Variants in DENND4A observed in about 807,000 individuals in gnomAD.
DENND4A encodes the protein C-myc promoter-binding protein.
A neutral mutation model predicts 199.3 loss-of-function variants in DENND4A; 70 were observed. The observed-to-expected ratio is 0.35, with a 90% CI of 0.29 to 0.43. The LOEUF is 0.43. DENND4A is among the 20% of genes least tolerant of loss of function. The probability of loss-of-function intolerance (pLI) is 1.00; values close to 1 mark genes in which losing one functional copy is unlikely to be tolerated. For missense variants in DENND4A, 1,723 were observed against 2,255.8 expected (o/e 0.76, Z 4.78); for synonymous variants, 686 against 766.9 (o/e 0.89, Z 1.74).
chr15:65,772,135 C>A lies in DENND4A; in HGVS notation c.-101-10697G>T, dbSNP rs893678690. The A allele has an allele frequency of 2.7e-5, 21 of 772,256 alleles. No homozygotes were observed. In the African/African-American group the frequency reaches 3.3e-4, roughly 12 times the overall value. 47.8% of individuals were successfully genotyped at this position (772,256 alleles called of 1,614,324 possible). A position where few individuals can be genotyped will look rare whatever the true frequency, so the allele number is the denominator to read the frequency against. On this transcript the variant is annotated intron_variant, in intron 1 of 32. Transcript: ENST00000443035. ...CATTTCTCAGCTTCATCCCTGTTCCCCTCCATAGCTTGCTCCTTCGATTTT... is the reference window on the plus strand; with the variant it reads ...CATTTCTCAGCTTCATCCCTGTTCCACTCCATAGCTTGCTCCTTCGATTTT...
chr15:65,764,290 G>C (rs954274547), intron 1 of DENND4A, among the ~76,000 whole-genome samples: 2 of 152,110 alleles, frequency 1.3e-5, no homozygotes, highest in African/African-American at 4.8e-5. Context: ...TTGAGGCCAG[G>C]AGTTCAAGAC....
intron 20 of DENND4A, 90 bp downstream of exon 20, chr15:65,700,454 C>G (rs2074825721): frequency 2.7e-6 from 2 of 730,426 alleles, no homozygotes; most frequent in East Asian, 3.5e-5. Flanking sequence ...AGTTAAACAT[C>G]ACTGAAAATG....
intron 3 of DENND4A, among the ~76,000 whole-genome samples, chr15:65,755,789 T>C (rs1197627692): frequency 6.6e-6 from 1 of 152,124 alleles, no homozygotes; most frequent in Non-Finnish European, 1.5e-5. Context: ...AATCCATCTA[T>C]ACTGATCATT....
At chr15:65,769,890 A>G (rs1399054491) in intron 1 of DENND4A, among the ~76,000 whole-genome samples, 2 of 152,186 alleles carry the variant, frequency 1.3e-5, no homozygotes, top group African/African-American at 2.4e-5. Flanking sequence ...ACAGAAGACC[A>G]GAAATCAAAT....
At chr15:65,737,068 AT>A (rs923662002) in intron 7 of DENND4A, among the ~76,000 whole-genome samples, 53 of 148,112 alleles carry the variant, frequency 3.6e-4, no homozygotes, top group Non-Finnish European at 4.5e-4. Flanking sequence ...CGGTAAGGAA[AT>A]TTTTTTTTTT....
chr15:65,718,119 T>A, intron 12 of DENND4A, 123 bp from the exon 13 acceptor site: 1 of 693,558 alleles, frequency 1.4e-6, no homozygotes, highest in Non-Finnish European at 2.3e-6. Flanking sequence ...TTACATAACT[T>A]AATCATACGT....
chr15:65,725,623 G>T (rs1167167160), intron 11 of DENND4A, among the ~76,000 whole-genome samples: 1 of 151,092 alleles, frequency 6.6e-6, no homozygotes, highest in Non-Finnish European at 1.5e-5. Flanking sequence ...CTTGCAGTGA[G>T]CTGAGATCAC....
chr15:65,709,719 A>AAAAAT (rs1218030026), intron 14 of DENND4A, among the ~76,000 whole-genome samples: 1 of 51,474 alleles, frequency 1.9e-5, no homozygotes, highest in African/African-American at 1.0e-4. Flanking sequence ...AAAAAAAAAA[A>AAAAAT]ATATATATAT....
In DENND4A at chr15:65,706,227, A is replaced by G; in HGVS notation, c.1954-3T>C. On this transcript the variant is annotated splice_polypyrimidine_tract_variant and splice_region_variant and intron_variant, in intron 14 of 32. Transcript: ENST00000443035. The stretch of plus-strand genomic sequence containing the variant: ...TCACCGCTCTTGTCCATATCCACCT[A>G]AAGGAGTTTTAAAAACATATATTAA... 6.5e-7 allele frequency: 1 copy of G among 1,528,866 alleles called. No individual in the cohort carries two copies. Among genetic ancestry groups the G allele is most frequent in the Non-Finnish European group, 8.8e-7 (1 of 1,139,924 alleles). 94.7% of individuals were successfully genotyped at this position (1,528,866 alleles called of 1,614,324 possible). A position where few individuals can be genotyped will look rare whatever the true frequency, so the allele number is the denominator to read the frequency against.
At chr15:65,665,093 A>G in intron 30 of DENND4A, 1 of 474,700 alleles carries the variant, frequency 2.1e-6, no homozygotes, top group Non-Finnish European at 3.7e-6. Flanking sequence ...CCCCTCCAGC[A>G]CATACACAGC....
chr15:65,703,287 T>C (rs899579969), intron 15 of DENND4A, among the ~76,000 whole-genome samples: 8 of 152,220 alleles, frequency 5.3e-5, no homozygotes, highest in East Asian at 1.9e-4. Context: ...AAGGTAACTT[T>C]AGCAAACTTT....
rs1292632072 is a variant in DENND4A, at chr15:65,700,670, C to A, written c.2707G>T (p.Gly903Cys). 3 of 1,535,258 alleles carry A rather than the reference C, an allele frequency of 2.0e-6. No homozygotes were observed. The highest frequency in any genetic ancestry group is 2.6e-6 in the Non-Finnish European group (3 of 1,141,708). Residue 903 changes from glycine to cysteine, a missense_variant, in exon 20 of 33, where the codon GGC becomes TGC. Physicochemically the swap from Gly to Cys is radical, Grantham distance 159. Around this residue, in one of 6 missense-constraint regions of DENND4A, gnomAD observed 650 missense variants for 738.1 expected, o/e 0.88. Coordinates refer to ENST00000443035, the MANE Select transcript of DENND4A (RefSeq NM_001320835.1). ...HLSQTTLSAD[G>C]SDLDAVSHGS... ...TGACTAACAGCATCCAGGTCACTGCCATCTGCTTAAGAACACAATTTGACA... is the reference window on the plus strand; with the variant it reads ...TGACTAACAGCATCCAGGTCACTGCAATCTGCTTAAGAACACAATTTGACA...
chr15:65,746,933 T>TA (rs79912609), intron 4 of DENND4A, among the ~76,000 whole-genome samples: 1,375 of 128,486 alleles, frequency 0.011, 9 homozygotes, highest in East Asian at 0.023. Flanking sequence ...CTGTCTCTAC[T>TA]AAAAAAAAAA....
chr15:65,746,369 C>CTCTCTCTTTT (rs2076392238), intron 4 of DENND4A, among the ~76,000 whole-genome samples: 3 of 51,268 alleles, frequency 5.9e-5, no homozygotes, highest in African/African-American at 2.1e-4. Context: ...ACTTTTTTCT[C>CTCTCTCTTTT]TTTTTTTTTT....
Position 65,690,404 on chromosome 15 carries a change from A to T in DENND4A, c.4179+11T>A. On this transcript the variant is annotated intron_variant, in intron 23 of 32. Transcript: ENST00000443035. ...GTGACAGTAAAAGTAGCAAATACTA[A>T]CCAAACTTACCTTAGATGATGTGGT... 1 of 1,545,044 alleles carries T rather than the reference A, an allele frequency of 6.5e-7. No individual in the cohort carries two copies. Among genetic ancestry groups the T allele is most frequent in the Non-Finnish European group, 8.7e-7 (1 of 1,147,392 alleles).
chr15:65,691,154 G>A lies in DENND4A; in HGVS notation c.3440C>T (p.Thr1147Ile). The A allele has an allele frequency of 6.2e-7, 1 of 1,613,478 alleles. No homozygotes were observed. Among genetic ancestry groups the A allele is most frequent in the Non-Finnish European group, 8.5e-7 (1 of 1,179,728 alleles). Residue 1147 changes from threonine to isoleucine, a missense_variant, in exon 23 of 33, where the codon ACA becomes ATA. By Grantham distance (89) the Thr-to-Ile change is moderately conservative. Coordinates refer to ENST00000443035, the MANE Select transcript of DENND4A (RefSeq NM_001320835.1). ...SLEKESSDDD[T>I]PFDGSNYLAD... Reference sequence around the variant, plus strand: ...CAAATAGTTAGAACCATCAAAAGGTGTATCATCATCACTAGATTCCTTTTC... The same window carrying A: ...CAAATAGTTAGAACCATCAAAAGGTATATCATCATCACTAGATTCCTTTTC...
chr15:65,697,054 G>C (rs539849578), intron 21 of DENND4A: 35 of 446,742 alleles, frequency 7.8e-5, no homozygotes, highest in African/African-American at 6.8e-4. Flanking sequence ...AATGGTATTT[G>C]ATTTGGGAAG....
In DENND4A at chr15:65,756,159, G is replaced by T; in HGVS notation, c.292C>A (p.Pro98Thr). 6.2e-7 allele frequency: 1 copy of T among 1,608,750 alleles called. No individual in the cohort carries two copies. The highest frequency in any genetic ancestry group is 8.5e-7 in the Non-Finnish European group (1 of 1,177,338). ...ACTTACCCCAGATCTGTAAGTGGAGGCTTATCTCTTCCTCTTCTATAGCAA... is the reference window on the plus strand; with the variant it reads ...ACTTACCCCAGATCTGTAAGTGGAGTCTTATCTCTTCCTCTTCTATAGCAA... ...YLCYRRGRDK[P>T]PLTDLGVLYD... Residue 98 changes from proline (P) to threonine (T), a missense_variant, in exon 3 of 33, where the codon CCT (proline) becomes ACT (threonine). Physicochemically the swap from Pro to Thr is conservative, Grantham distance 38. This residue lies in a region of DENND4A where 725 missense variants were observed against 952.9 expected (regional missense o/e 0.76). Transcript: ENST00000443035.
chr15:65,702,260 C>A (rs2074900493), intron 17 of DENND4A, 45 bp downstream of exon 17: 1 of 1,458,474 alleles, frequency 6.9e-7, no homozygotes, highest in Non-Finnish European at 9.4e-7. Context: ...CAGAGTGAGA[C>A]CCCATCTCAA....
Sources: allele counts gnomAD v4.1 joint callset (sites outside exome capture counted in the v4.1 genomes callset), GRCh38; gene constraint gnomAD v4.1.1; regional missense constraint gnomAD v4.1.1; transcripts MANE v1.5; gene names NCBI Gene and HGNC (gene_info 2026-07-23, HGNC 2026-07-21).